Variants in ZNF423 observed in about 807,000 individuals in gnomAD.
The protein encoded by ZNF423 is zinc finger protein 423.
ZNF423 carries 12 observed loss-of-function variants against 95.8 expected under a neutral mutation model. The ratio of observed to expected loss-of-function variants is 0.13; its 90% confidence interval spans 0.08 to 0.20. The LOEUF (loss-of-function observed/expected upper bound fraction) is 0.20, where lower values mean the gene tolerates loss of function less well. Ranked by LOEUF, ZNF423 falls within the 10% of genes least tolerant of loss-of-function variation. The pLI is 1.00. For missense variants in ZNF423, 1,316 were observed against 1,737.1 expected (o/e 0.76, Z 4.31); for synonymous variants, 749 against 711.9 (o/e 1.05, Z -0.83).
At chr16:49,753,633 G>A (rs2033671863) in intron 2 of ZNF423, among the ~76,000 whole-genome samples, 1 of 151,840 alleles carries the variant, frequency 6.6e-6, no homozygotes, top group Non-Finnish European at 1.5e-5. Flanking sequence ...AAAGGTGTTA[G>A]GACAGGAACT....
At chr16:49,815,723 C>G (rs1013067693) in intron 1 of ZNF423, among the ~76,000 whole-genome samples, 2 of 151,350 alleles carry the variant, frequency 1.3e-5, no homozygotes, top group Non-Finnish European at 2.9e-5. Flanking sequence ...GAACAGAGCA[C>G]GCAGGCTTGG....
chr16:49,649,574 T>A (rs1973311920), intron 3 of ZNF423, among the ~76,000 whole-genome samples: 1 of 151,846 alleles, frequency 6.6e-6, no homozygotes, highest in Admixed American at 6.6e-5. Context: ...ATCTGTCCAA[T>A]CTCCGTGTCA....
chr16:49,667,726 TA>T (rs2030611456), intron 3 of ZNF423, among the ~76,000 whole-genome samples: 1 of 151,972 alleles, frequency 6.6e-6, no homozygotes, highest in Non-Finnish European at 1.5e-5. Context: ...TACAAAAAAT[TA>T]AAAAATAATT....
At chr16:49,688,415 G>C (rs2031651886) in intron 3 of ZNF423, among the ~76,000 whole-genome samples, 1 of 152,192 alleles carries the variant, frequency 6.6e-6, no homozygotes, top group Non-Finnish European at 1.5e-5. Context: ...CCGCCCTCTT[G>C]CTCCATAGAG....
At chr16:49,522,270 T>C (rs369548206) in intron 7 of ZNF423, among the ~76,000 whole-genome samples, 3 of 152,176 alleles carry the variant, frequency 2.0e-5, no homozygotes, top group African/African-American at 7.2e-5. Context: ...AGGTTGGGCA[T>C]GCCCGCGGGA....
At chr16:49,828,828 G>A (rs183881770) in intron 1 of ZNF423, among the ~76,000 whole-genome samples, 1 of 152,350 alleles carries the variant, frequency 6.6e-6, no homozygotes, top group East Asian at 1.9e-4. Context: ...GACCCAGGGA[G>A]GCTCTTTCTC....
intron 1 of ZNF423, among the ~76,000 whole-genome samples, chr16:49,837,271 C>A (rs2035130645): frequency 6.6e-6 from 1 of 152,056 alleles, no homozygotes; most frequent in Non-Finnish European, 1.5e-5. Flanking sequence ...TGGACACAGG[C>A]CCTGCTACAC....
intron 1 of ZNF423, among the ~76,000 whole-genome samples, chr16:49,848,120 A>C (rs1177617693): frequency 6.6e-6 from 1 of 152,168 alleles, no homozygotes; most frequent in South Asian, 2.1e-4. Flanking sequence ...AAGGAAAAAA[A>C]AATGGTTAAG....
chr16:49,572,458 C>T (rs1250656287), intron 5 of ZNF423, among the ~76,000 whole-genome samples: 1 of 152,166 alleles, frequency 6.6e-6, no homozygotes, highest in Non-Finnish European at 1.5e-5. Context: ...GAAACCAAAT[C>T]ACCCACTCTG....
chr16:49,592,897 T>C (rs1473895903), intron 5 of ZNF423, among the ~76,000 whole-genome samples: 1 of 152,190 alleles, frequency 6.6e-6, no homozygotes, highest in Non-Finnish European at 1.5e-5. Context: ...CTCACTGCCA[T>C]CCATAAACAG....
intron 2 of ZNF423, among the ~76,000 whole-genome samples, chr16:49,778,609 C>T (rs2034160479): frequency 6.6e-6 from 1 of 152,114 alleles, no homozygotes; most frequent in African/African-American, 2.4e-5. Flanking sequence ...GAATGGTTCC[C>T]TACAGACTCA....
chr16:49,604,109 G>A (rs892784808), intron 5 of ZNF423, among the ~76,000 whole-genome samples: 21 of 152,326 alleles, frequency 1.4e-4, no homozygotes, highest in African/African-American at 4.6e-4. Flanking sequence ...CAGAAAGCAG[G>A]CCAGATAATA....
chr16:49,762,932 A>T (rs1389927421), intron 2 of ZNF423, among the ~76,000 whole-genome samples: 1 of 152,180 alleles, frequency 6.6e-6, no homozygotes, highest in Non-Finnish European at 1.5e-5. Flanking sequence ...CCCTTTCATG[A>T]TCATAGCTCA....
chr16:49,829,693 C>T (rs923809003), intron 1 of ZNF423, among the ~76,000 whole-genome samples: 1 of 152,114 alleles, frequency 6.6e-6, no homozygotes, highest in Non-Finnish European at 1.5e-5. Context: ...AGAAGTGGCC[C>T]TTGGAGAAGC....
chr16:49,493,530 C>T (rs1001899115), intron 7 of ZNF423, among the ~76,000 whole-genome samples: 7 of 152,130 alleles, frequency 4.6e-5, no homozygotes, highest in South Asian at 2.1e-4. Context: ...CCCTGCCAAC[C>T]GCCAGTCAAA....
chr16:49,581,788 T>C (rs1364708963), intron 5 of ZNF423, among the ~76,000 whole-genome samples: 1 of 152,212 alleles, frequency 6.6e-6, no homozygotes, highest in Admixed American at 6.5e-5. Flanking sequence ...TTCAATCCTA[T>C]TAAGCAAGGC....
chr16:49,786,841 T>A (rs1171766801), intron 2 of ZNF423, among the ~76,000 whole-genome samples: 1 of 152,190 alleles, frequency 6.6e-6, no homozygotes, highest in African/African-American at 2.4e-5. Context: ...GAGGTTTTGC[T>A]CCCCCATAAT....
intron 5 of ZNF423, among the ~76,000 whole-genome samples, chr16:49,595,372 C>T (rs908818774): frequency 6.6e-6 from 1 of 152,192 alleles, no homozygotes; most frequent in Non-Finnish European, 1.5e-5. Context: ...CTAAACTGCC[C>T]TCCAAACAGC....
chr16:49,515,685 C>A (rs903294683), intron 7 of ZNF423, among the ~76,000 whole-genome samples: 1 of 152,238 alleles, frequency 6.6e-6, no homozygotes, highest in African/African-American at 2.4e-5. Context: ...GGTACAATTT[C>A]AGGGGAGCTT....
Sources: gnomAD v4.1 joint callset for allele counts (sites outside exome capture counted in the v4.1 genomes callset) on GRCh38, gnomAD v4.1.1 for gene constraint, MANE v1.5 for transcripts, NCBI Gene and HGNC (gene_info 2026-07-23, HGNC 2026-07-21) for gene names.